Variants in GXYLT2 observed in about 807,000 individuals in gnomAD.
GXYLT2 encodes glycosyltransferase 8 domain containing 4.
Under a neutral mutation model 45.8 loss-of-function variants are expected in GXYLT2, and 53 were observed. The observed-to-expected ratio is 1.16, with a 90% confidence interval of 0.93 to 1.46. The LOEUF (loss-of-function observed/expected upper bound fraction) is 1.46, where lower values mean the gene tolerates loss of function less well. Ranked by LOEUF, GXYLT2 falls within the 40% of genes most tolerant of loss-of-function variation. The pLI, the probability that GXYLT2 is intolerant of heterozygous loss-of-function variation, is 0.00. For missense variants in GXYLT2, 551 were observed against 544.4 expected (o/e 1.01, Z -0.12); for synonymous variants, 219 against 214.2 (o/e 1.02, Z -0.19).
intron 5 of GXYLT2, among the ~76,000 whole-genome samples, chr3:72,961,626 G>A (rs1287341704): frequency 7.3e-6 from 1 of 136,224 alleles, no homozygotes; most frequent in Non-Finnish European, 1.5e-5. Flanking sequence ...CAATGATGAT[G>A]GATCTCCTCT....
intron 3 of GXYLT2, among the ~76,000 whole-genome samples, chr3:72,943,344 A>C (rs1710334410): frequency 6.6e-6 from 1 of 152,142 alleles, no homozygotes; most frequent in Non-Finnish European, 1.5e-5. Context: ...TTTAACTGAA[A>C]AAATGCAGTA....
intron 1 of GXYLT2, among the ~76,000 whole-genome samples, chr3:72,901,400 G>A (rs1243638372): frequency 1.3e-5 from 2 of 150,986 alleles, no homozygotes; most frequent in Admixed American, 6.6e-5. Flanking sequence ...AGAGGCAGAG[G>A]TTGCAGTAAG....
At chr3:72,951,139 G>A (rs1449655979) in intron 3 of GXYLT2, among the ~76,000 whole-genome samples, 2 of 152,056 alleles carry the variant, frequency 1.3e-5, no homozygotes, top group African/African-American at 4.8e-5. Flanking sequence ...ATTAATACCA[G>A]CAGTAATTGC....
chr3:72,922,205 T>C lies in GXYLT2; in HGVS notation c.470T>C (p.Leu157Ser), dbSNP rs754546387. ...TCCCTTGCTTCCCATGTTTTTCAGT[T>C]ACGCCAGTGGCCTGACTCATATACA... is the stretch of plus-strand genomic sequence containing the variant. ...DSLKPEFDKQ[L>S]RQWPDSYTKK... The change falls in exon 3 of 7, where the codon TTA (leucine) becomes TCA (serine). Residue 157 changes from leucine to serine, a missense_variant and splice_region_variant. By Grantham distance (145) the Leu-to-Ser change is moderately radical (BLOSUM62 -2). Transcript: ENST00000389617. 2 of 1,611,940 alleles carry C rather than the reference T, an allele frequency of 1.2e-6. No homozygotes were observed. The highest frequency in any genetic ancestry group is 1.1e-5 in the South Asian group (1 of 90,492).
At chr3:72,931,029 A>G (rs1226287424) in intron 3 of GXYLT2, among the ~76,000 whole-genome samples, 1 of 152,152 alleles carries the variant, frequency 6.6e-6, no homozygotes, top group Non-Finnish European at 1.5e-5. Context: ...CGTTCTTGTG[A>G]GTGCACATGA....
chr3:72,919,892 AAG>A (rs1709801021), intron 2 of GXYLT2, among the ~76,000 whole-genome samples: 1 of 152,204 alleles, frequency 6.6e-6, no homozygotes, highest in Non-Finnish European at 1.5e-5. Flanking sequence ...AATCCATAGA[AAG>A]AGTGTACAAC....
chr3:72,906,335 C>G (rs899791612), intron 1 of GXYLT2, among the ~76,000 whole-genome samples: 3 of 152,096 alleles, frequency 2.0e-5, no homozygotes, highest in Non-Finnish European at 4.4e-5. Flanking sequence ...GCACATGGCT[C>G]GCTACCTCCC....
At position 72,922,278 on chromosome 3, in the gene GXYLT2, C is replaced by T; in HGVS notation, c.543C>T (p.Asn181=). The T allele has an allele frequency of 6.2e-7, 1 of 1,613,790 alleles. No homozygotes were observed. Among genetic ancestry groups the T allele is most frequent in the Middle Eastern group, 1.6e-4 (1 of 6,062 alleles). Reference sequence around the variant, plus strand: ...ACCCCATCACATTTTCTGTTGGAAACCCTCAGGAGTGGAAGAAATTGTTCA... The same window carrying T: ...ACCCCATCACATTTTCTGTTGGAAATCCTCAGGAGTGGAAGAAATTGTTCA... ...RIYPITFSVG[N]PQEWKKLFKP... is the part of the protein sequence containing the mutation. Residue 181 remains asparagine (N), a synonymous_variant, in exon 3 of 7, where the codon AAC becomes AAT. Coordinates refer to ENST00000389617, the MANE Select transcript of GXYLT2 (RefSeq NM_001080393.2).
chr3:72,962,954 T>TA (rs11448704), intron 5 of GXYLT2, among the ~76,000 whole-genome samples: 27,963 of 103,738 alleles, frequency 0.27, 4,301 homozygotes, highest in East Asian at 0.44. Flanking sequence ...GATGGGACAT[T>TA]AAAAAAAAAA....
chr3:72,908,233 T>G, intron 1 of GXYLT2, 134 bp from the exon 2 acceptor site: 1 of 635,460 alleles, frequency 1.6e-6, no homozygotes, highest in Admixed American at 3.2e-5. Flanking sequence ...GTCAAAATGC[T>G]TATCACTTTA....
chr3:72,925,408 G>A (rs567968763), intron 3 of GXYLT2, among the ~76,000 whole-genome samples: 76 of 152,074 alleles, frequency 5.0e-4, no homozygotes, highest in African/African-American at 1.8e-3. Flanking sequence ...CGCCCGCCTC[G>A]GCCTCCCAAA....
chr3:72,898,739 C>CTTTT (rs535480550), intron 1 of GXYLT2, among the ~76,000 whole-genome samples: 1 of 149,126 alleles, frequency 6.7e-6, no homozygotes, highest in Non-Finnish European at 1.5e-5. Flanking sequence ...CTTTTCTTTT[C>CTTTT]TTTTTTTTTC....
rs567351339 is a variant in GXYLT2, at chr3:72,941,371, T to C, written c.601-13727T>C. On this transcript the variant is annotated intron_variant, in intron 3 of 6. Transcript: ENST00000389617. ...GTCAAGTCCAGGCCTCTGGGCCTGATGTTGAGGGCCCTTTGCATTCTGAGT... is the reference window on the plus strand; with the variant it reads ...GTCAAGTCCAGGCCTCTGGGCCTGACGTTGAGGGCCCTTTGCATTCTGAGT... Among the ~76,000 whole-genome samples the C allele has an allele frequency of 2.0e-4, 30 of 152,314 alleles. No individual in the cohort carries two copies. In the South Asian group the frequency reaches 6.2e-3, roughly 32 times the overall value.
At chr3:72,928,967 G>A (rs952074733) in intron 3 of GXYLT2, 11 of 864,716 alleles carry the variant, frequency 1.3e-5, no homozygotes, top group African/African-American at 1.2e-4. Context: ...ACTTCACCGC[G>A]CCCTCGGTAC....
chr3:72,922,576 A>G (rs926268207), intron 3 of GXYLT2, among the ~76,000 whole-genome samples: 3 of 152,160 alleles, frequency 2.0e-5, no homozygotes, highest in African/African-American at 7.2e-5. Context: ...CTTTGTGACT[A>G]TGGTTCCATT....
At chr3:72,959,928 A>G (rs1176655805) in intron 5 of GXYLT2, among the ~76,000 whole-genome samples, 1 of 147,326 alleles carries the variant, frequency 6.8e-6, no homozygotes, top group Non-Finnish European at 1.5e-5. Flanking sequence ...AGCCACCATG[A>G]CCGGTTTTGT....
At chr3:72,972,723 C>T (rs1415401035) in intron 6 of GXYLT2, among the ~76,000 whole-genome samples, 3 of 143,338 alleles carry the variant, frequency 2.1e-5, no homozygotes, top group African/African-American at 7.8e-5. Context: ...AAGAAAAATT[C>T]AGCCTGGGCG....
At chr3:72,933,790 G>T (rs978361244) in intron 3 of GXYLT2, among the ~76,000 whole-genome samples, 1 of 152,108 alleles carries the variant, frequency 6.6e-6, no homozygotes, top group African/African-American at 2.4e-5. Context: ...AGTCCCAGCA[G>T]CCTGGGGGGG....
intron 3 of GXYLT2, among the ~76,000 whole-genome samples, chr3:72,933,484 C>G (rs1007647304): frequency 3.3e-5 from 5 of 151,986 alleles, no homozygotes; most frequent in Admixed American, 3.3e-4. Flanking sequence ...CTTACTGTAA[C>G]GTAGTTCTTT....
Sources: allele counts gnomAD v4.1 joint callset (sites outside exome capture counted in the v4.1 genomes callset), GRCh38; gene constraint gnomAD v4.1.1; transcripts MANE v1.5; gene names NCBI Gene and HGNC (gene_info 2026-07-23, HGNC 2026-07-21).